The following RABGGTB variants were observed in gnomAD, a reference collection of about 807,000 sequenced individuals.
RABGGTB encodes the protein Rab geranylgeranyltransferase subunit beta, also known as geranylgeranyl transferase type-2 subunit beta.
In RABGGTB, 20 loss-of-function variants were observed where a neutral mutation model predicts 44.5. That is an observed-to-expected ratio of 0.45 (90% CI 0.32 to 0.65). The LOEUF (loss-of-function observed/expected upper bound fraction) is 0.65. Among genes scored for constraint, RABGGTB ranks in the 30% least tolerant of loss-of-function variants. The pLI is 0.05. For missense variants in RABGGTB, 302 were observed against 398.7 expected, an observed-to-expected ratio of 0.76 and a Z score of 2.06; for synonymous variants, 128 against 136.7, an observed-to-expected ratio of 0.94 and a Z score of 0.44.
intron 5 of RABGGTB, 51 bp downstream of exon 5, chr1:75,791,388 A>G (rs1200694576): frequency 2.0e-6 from 3 of 1,525,006 alleles, no homozygotes; most frequent in Admixed American, 1.8e-5. Flanking sequence ...AATACTCTGG[A>G]ATTTTTTTTT....
intron 7 of RABGGTB, 51 bp downstream of exon 7, chr1:75,792,357 C>CTGCTGCTT (rs1286089045): frequency 6.3e-7 from 1 of 1,591,738 alleles, no homozygotes; most frequent in African/African-American, 1.3e-5. Context: ...TGAGTGAATG[C>CTGCTGCTT]TGCTGCTTTG....
chr1:75,792,083 A>G, intron 6 of RABGGTB, 98 bp from the exon 7 acceptor site: 1 of 1,101,770 alleles, frequency 9.1e-7, no homozygotes, highest in Non-Finnish European at 1.3e-6. Context: ...TCAAGAAGAA[A>G]AACTTAAGAT....
chr1:75,794,149 G>T lies in RABGGTB; in HGVS notation c.771G>T (p.Trp257Cys). The T allele has an allele frequency of 6.2e-7, 1 of 1,613,906 alleles. No individual in the cohort carries two copies. Among genetic ancestry groups the T allele is most frequent in the Non-Finnish European group, 8.5e-7 (1 of 1,179,824 alleles). The change falls in exon 8 of 9, where the codon TGG becomes TGT. Residue 257 changes from tryptophan (W) to cysteine (C), a missense_variant. Physicochemically the swap from Trp to Cys is radical, Grantham distance 215. Coordinates refer to ENST00000319942, the MANE Select transcript of RABGGTB (RefSeq NM_004582.4). Reference sequence around the variant, plus strand: ...TAAAGATAATTGGAAGACTTCATTGGATTGATAGAGAGAAACTGCGTAATT... The same window carrying T: ...TAAAGATAATTGGAAGACTTCATTGTATTGATAGAGAGAAACTGCGTAATT... ...ASLKIIGRLHWIDREKLRNFI... is the reference protein window; with the variant it reads ...ASLKIIGRLHCIDREKLRNFI...
intron 1 of RABGGTB, chr1:75,786,778 TAC>T: frequency 3.4e-6 from 1 of 298,410 alleles, no homozygotes; most frequent in Middle Eastern, 1.2e-3. Context: ...CTTCTGCAAA[TAC>T]AGAGACTCGG....
At chr1:75,786,234 C>G (rs199994413), upstream of RABGGTB, 55 of 1,613,738 alleles carry the variant, frequency 3.4e-5, no homozygotes, top group Admixed American at 1.0e-4. Context: ...CTAAGTCTAC[C>G]CAGGAACTGA....
chr1:75,793,927 C>T (rs936136668), intron 7 of RABGGTB, 157 bp from the exon 8 acceptor site: 4 of 598,774 alleles, frequency 6.7e-6, no homozygotes, highest in Non-Finnish European at 8.0e-6. Flanking sequence ...TATTTCATAC[C>T]CTGCATATCA....
At chr1:75,793,438 G>A (rs1447752840) in intron 7 of RABGGTB, 2 of 152,140 alleles carry the variant, frequency 1.3e-5, no homozygotes, top group African/African-American at 2.4e-5. Context: ...GAATAACAAC[G>A]GGTAGAGAAA....
Position 75,791,442 on chromosome 1 carries a change from TC to T in RABGGTB, c.469-18del, listed in dbSNP as rs1649643797. ...TGAATACTCTGGAATTTAACAGGCA[TC>T]TTTTTTTTTGTTTGTAGGGGAAGCT... On this transcript the variant is annotated intron_variant, in intron 5 of 8. Coordinates refer to ENST00000319942, the MANE Select transcript of RABGGTB (RefSeq NM_004582.4). 55 of 1,586,754 alleles carry T rather than the reference TC, an allele frequency of 3.5e-5. No individual in the cohort carries two copies. The highest frequency in any genetic ancestry group is 4.6e-5 in the Non-Finnish European group (54 of 1,161,566).
chr1:75,790,026 A>G lies in RABGGTB; in HGVS notation c.384A>G (p.Lys128=). ...TGGAATATGTTAAAGGTCTACAGAA[A>G]GAAGATGGTTCTTTTGCTGGAGATA... The part of the protein sequence containing the change: ...KVVEYVKGLQ[K]EDGSFAGDIW... The change falls in exon 4 of 9, where the codon AAA becomes AAG. Residue 128 remains lysine (K), a synonymous_variant. Coordinates refer to ENST00000319942, the MANE Select transcript of RABGGTB (RefSeq NM_004582.4). 1 of 1,613,280 alleles carries G rather than the reference A, an allele frequency of 6.2e-7. No individual in the cohort carries two copies. The highest frequency in any genetic ancestry group is 8.5e-7 in the Non-Finnish European group (1 of 1,179,430).
intron 8 of RABGGTB, 42 bp downstream of exon 8, chr1:75,794,275 GTTTGCA>G (rs1557482939): frequency 6.4e-7 from 1 of 1,562,466 alleles, no homozygotes; most frequent in East Asian, 2.3e-5. Context: ...TTATTTCAGC[GTTTGCA>G]TTACTTCATG....
In RABGGTB at chr1:75,787,543, C is replaced by T. The variant is rs760027784; in HGVS notation, c.50C>T (p.Thr17Ile). 8 of 1,614,050 alleles carry T rather than the reference C, an allele frequency of 5.0e-6. No homozygotes were observed. Among genetic ancestry groups the T allele is most frequent in the Non-Finnish European group, 3.4e-6 (4 of 1,179,962 alleles). ...ATTATCAAGTCAGATGCACCGGACACTTTGTTATTGGAGAAACATGCAGAT... is the reference window on the plus strand; with the variant it reads ...ATTATCAAGTCAGATGCACCGGACATTTTGTTATTGGAGAAACATGCAGAT... Reference protein sequence around the residue: ...DVIIKSDAPDTLLLEKHADYI... With the variant: ...DVIIKSDAPDILLLEKHADYI... Residue 17 changes from threonine (T) to isoleucine (I), a missense_variant, in exon 2 of 9, where the codon ACT becomes ATT. Physicochemically the swap from Thr to Ile is moderately conservative, Grantham distance 89. Coordinates refer to ENST00000319942, the MANE Select transcript of RABGGTB (RefSeq NM_004582.4).
chr1:75,792,338 T>G, intron 7 of RABGGTB, 32 bp downstream of exon 7: 1 of 1,603,542 alleles, frequency 6.2e-7, no homozygotes, highest in African/African-American at 1.3e-5. Context: ...TCTGCTAGCT[T>G]TAGAACCTTG....
At position 75,791,321 on chromosome 1, in the gene RABGGTB, C is replaced by G; in HGVS notation, c.452C>G (p.Ala151Gly). 1 of 1,610,330 alleles carries G rather than the reference C, an allele frequency of 6.2e-7. No homozygotes were observed. Among genetic ancestry groups the G allele is most frequent in the African/African-American group, 1.3e-5 (1 of 74,800 alleles). The change falls in exon 5 of 9, where the codon GCA becomes GGA. Residue 151 changes from alanine to glycine, a missense_variant. By Grantham distance (60) the Ala-to-Gly change is moderately conservative. This residue lies in a region of RABGGTB where 213 missense variants were observed against 323.7 expected (regional missense o/e 0.66). Transcript: ENST00000319942. ...IDTRFSFCAV[A>G]TLALLGKLDA... ...ACAAGATTCTCTTTTTGTGCGGTGG[C>G]AACTTTGGCTTTGTTGGTAAGCTTT...
At chr1:75,789,484 G>A (rs1240908025) in intron 3 of RABGGTB, 128 bp downstream of exon 3, 1 of 935,110 alleles carries the variant, frequency 1.1e-6, no homozygotes, top group Admixed American at 1.7e-5. Context: ...CAAGGTCAAT[G>A]ATGTAATGGC....
At chr1:75,789,056 G>A (rs2100485148) in intron 2 of RABGGTB, 103 bp from the exon 3 acceptor site, 1 of 1,042,430 alleles carries the variant, frequency 9.6e-7, no homozygotes, top group Non-Finnish European at 1.4e-6. Flanking sequence ...GGTCAGGAGA[G>A]GTAAAAATAG....
At chr1:75,789,415 G>C in intron 3 of RABGGTB, 59 bp downstream of exon 3, 1 of 1,537,822 alleles carries the variant, frequency 6.5e-7, no homozygotes, top group South Asian at 1.1e-5. Context: ...TTCAGAGTTG[G>C]AAATTGAAAC....
rs141752550 is a variant in RABGGTB at position 75,790,611 on chromosome 1, G to A, written c.415+554G>A. ...TCTTCTCTTTCTGGGCTTTCTTTAA[G>A]CAGCTTAAGATAATTTGCTGTTACT... is the stretch of plus-strand genomic sequence containing the variant. On this transcript the variant is annotated intron_variant, in intron 4 of 8. Coordinates refer to ENST00000319942, the MANE Select transcript of RABGGTB (RefSeq NM_004582.4). The A allele has an allele frequency of 7.0e-5, 35 of 502,050 alleles. No homozygotes were observed. The East Asian group carries it at 5.0e-3, about 71-fold the overall frequency. The allele number at this position is 502,050 out of a possible 1,614,324, so 31.1% of individuals were successfully genotyped here. A position where few individuals can be genotyped will look rare whatever the true frequency, so the allele number is the denominator to read the frequency against.
chr1:75,786,743 G>A (rs1306194103), intron 1 of RABGGTB: 3 of 288,242 alleles, frequency 1.0e-5, no homozygotes, highest in Non-Finnish European at 1.3e-5. Context: ...GATACGAAAA[G>A]AACTAGAGCC....
chr1:75,786,414 G>T, intron 1 of RABGGTB, 140 bp downstream of exon 1: 1 of 1,240,912 alleles, frequency 8.1e-7, no homozygotes, highest in Non-Finnish European at 1.2e-6. Flanking sequence ...GGTTTTTTGA[G>T]TGTGAAATAT....
Sources: gnomAD v4.1 joint callset for allele counts on GRCh38, gnomAD v4.1.1 for gene constraint, gnomAD v4.1.1 regional missense constraint, MANE v1.5 for transcripts, NCBI Gene and HGNC (gene_info 2026-07-23, HGNC 2026-07-21) for gene names.